The following DAB1 variants were observed in gnomAD, a reference collection of about 807,000 sequenced individuals.
The protein encoded by DAB1 is disabled homolog 1.
Under a neutral mutation model 64.6 loss-of-function variants are expected in DAB1, and 15 were observed. That is an observed-to-expected ratio of 0.23 (90% CI 0.16 to 0.36). The LOEUF (loss-of-function observed/expected upper bound fraction) is 0.36, where lower values mean the gene tolerates loss of function less well. Among genes scored for constraint, DAB1 ranks in the 10% least tolerant of loss-of-function variants. DAB1 has a pLI of 1.00. For synonymous variants in DAB1, 235 were observed against 251.9 expected (o/e 0.93, Z 0.64); for missense variants, 596 against 706.7 (o/e 0.84, Z 1.78).
intron 2 of DAB1, among the ~76,000 whole-genome samples, chr1:57,243,971 G>A (rs970848307): frequency 1.3e-5 from 2 of 152,000 alleles, no homozygotes; most frequent in African/African-American, 2.4e-5. Flanking sequence ...AATTATTCTT[G>A]AACATAATCC....
intron 4 of DAB1, among the ~76,000 whole-genome samples, chr1:58,268,653 T>G (rs1227955226): frequency 6.6e-6 from 1 of 152,216 alleles, no homozygotes; most frequent in Non-Finnish European, 1.5e-5. Flanking sequence ...TCCATGTTCA[T>G]AGACTGGAAG....
intron 2 of DAB1, among the ~76,000 whole-genome samples, chr1:57,206,571 G>T (rs879775763): frequency 1.3e-5 from 2 of 152,128 alleles, no homozygotes; most frequent in African/African-American, 2.4e-5. Context: ...GAACAAATTG[G>T]TGCCATTTAC....
chr1:57,675,906 A>G (rs146503531), intron 6 of DAB1, among the ~76,000 whole-genome samples: 1 of 152,346 alleles, frequency 6.6e-6, no homozygotes, highest in Admixed American at 6.5e-5. Flanking sequence ...AAGAAGAAAT[A>G]GAAACAAATT....
chr1:57,623,802 C>T (rs1645890307), intron 7 of DAB1, among the ~76,000 whole-genome samples: 2 of 152,294 alleles, frequency 1.3e-5, no homozygotes, highest in Non-Finnish European at 2.9e-5. Flanking sequence ...AGATGATTGT[C>T]TTCTTACACC....
At chr1:57,815,425 G>A (rs1306083173) in intron 6 of DAB1, among the ~76,000 whole-genome samples, 1 of 152,110 alleles carries the variant, frequency 6.6e-6, no homozygotes, top group Non-Finnish European at 1.5e-5. Context: ...GAATGAACTG[G>A]ACTGGACTGA....
At chr1:57,675,562 T>C (rs1451577893) in intron 6 of DAB1, among the ~76,000 whole-genome samples, 1 of 152,218 alleles carries the variant, frequency 6.6e-6, no homozygotes, top group East Asian at 1.9e-4. Context: ...CATGTCATAT[T>C]GTCACTATAC....
chr1:57,531,888 C>A (rs1291956651), intron 7 of DAB1, among the ~76,000 whole-genome samples: 2 of 152,114 alleles, frequency 1.3e-5, no homozygotes, highest in Non-Finnish European at 2.9e-5. Flanking sequence ...AATAGTAGCA[C>A]ACCATTATAA....
At chr1:57,613,226 A>G (rs1430397752) in intron 7 of DAB1, among the ~76,000 whole-genome samples, 1 of 152,236 alleles carries the variant, frequency 6.6e-6, no homozygotes, top group African/African-American at 2.4e-5. Context: ...AAAGAAGTCC[A>G]GTTGTGAATG....
At chr1:58,015,294 T>C (rs920156291) in intron 5 of DAB1, among the ~76,000 whole-genome samples, 2 of 152,164 alleles carry the variant, frequency 1.3e-5, no homozygotes, top group Non-Finnish European at 2.9e-5. Flanking sequence ...CCTGAACCTC[T>C]CACCTCCAAC....
chr1:57,020,984 C>T (rs186834049), intron 11 of DAB1, among the ~76,000 whole-genome samples: 1 of 152,278 alleles, frequency 6.6e-6, no homozygotes, highest in Admixed American at 6.5e-5. Flanking sequence ...TTCCCTGTCT[C>T]CTTATCACTG....
At chr1:57,663,062 G>A (rs1000134017) in intron 6 of DAB1, among the ~76,000 whole-genome samples, 1 of 152,156 alleles carries the variant, frequency 6.6e-6, no homozygotes, top group Non-Finnish European at 1.5e-5. Flanking sequence ...AAAGAAAAGA[G>A]GTTTAATTGA....
chr1:57,515,489 A>G (rs1173441810), intron 7 of DAB1, among the ~76,000 whole-genome samples: 1 of 152,212 alleles, frequency 6.6e-6, no homozygotes, highest in East Asian at 1.9e-4. Flanking sequence ...CAGAACCAAG[A>G]ATATGGTCGC....
intron 2 of DAB1, among the ~76,000 whole-genome samples, chr1:57,168,100 G>A (rs567021089): frequency 6.6e-6 from 1 of 152,188 alleles, no homozygotes; most frequent in South Asian, 2.1e-4. Context: ...TAATTATATG[G>A]TCTACTGGTC....
chr1:57,261,037 T>C (rs1169765779), intron 2 of DAB1, among the ~76,000 whole-genome samples: 2 of 152,166 alleles, frequency 1.3e-5, no homozygotes, highest in Non-Finnish European at 2.9e-5. Context: ...TGAGTCACTA[T>C]GTATAAGGGG....
chr1:57,684,768 C>T (rs962880219), intron 6 of DAB1, among the ~76,000 whole-genome samples: 1 of 152,098 alleles, frequency 6.6e-6, no homozygotes, highest in Non-Finnish European at 1.5e-5. Flanking sequence ...TTTCATATAT[C>T]AATACTAAAA....
chr1:57,219,666 T>C (rs1009291965), intron 2 of DAB1, among the ~76,000 whole-genome samples: 2 of 152,160 alleles, frequency 1.3e-5, no homozygotes, highest in African/African-American at 4.8e-5. Flanking sequence ...TGAGAAGGTG[T>C]GTGAGGGGAC....
chr1:57,276,835 T>C (rs1671508780), intron 2 of DAB1, among the ~76,000 whole-genome samples: 1 of 152,226 alleles, frequency 6.6e-6, no homozygotes, highest in African/African-American at 2.4e-5. Context: ...TAATTGTTTC[T>C]TATTTGTCTC....
intron 4 of DAB1, among the ~76,000 whole-genome samples, chr1:58,309,095 A>G (rs1662372209): frequency 6.6e-6 from 1 of 152,138 alleles, no homozygotes; most frequent in Admixed American, 6.5e-5. Flanking sequence ...AGCCTCTTTG[A>G]GCACTGTTTT....
intron 7 of DAB1, among the ~76,000 whole-genome samples, chr1:57,485,536 T>A (rs554345576): frequency 6.6e-6 from 1 of 152,290 alleles, no homozygotes; most frequent in South Asian, 2.1e-4. Flanking sequence ...CTGCCAACCT[T>A]TTCTATCCTG....
Sources: gnomAD v4.1 joint callset for allele counts (sites outside exome capture counted in the v4.1 genomes callset) on GRCh38, gnomAD v4.1.1 for gene constraint, MANE v1.5 for transcripts, NCBI Gene and HGNC (gene_info 2026-07-23, HGNC 2026-07-21) for gene names.